Variants in NAT16 observed in about 807,000 individuals in gnomAD.
NAT16 encodes the protein probable N-acetyltransferase 16.
In NAT16, 16 loss-of-function variants were observed where a neutral mutation model predicts 15.9. The observed-to-expected ratio is 1.01, with a 90% CI of 0.68 to 1.53. The LOEUF is 1.53. Ranked by LOEUF, NAT16 falls within the 40% of genes most tolerant of loss-of-function variation. The pLI, the probability that NAT16 is intolerant of heterozygous loss-of-function variation, is 0.00. For missense variants in NAT16, 572 were observed against 508.4 expected (o/e 1.13, Z -1.20); for synonymous variants, 260 against 241.9 (o/e 1.07, Z -0.69).
Position 101,171,320 on chromosome 7 carries a change from A to G in NAT16, c.*759T>C, listed in dbSNP as rs1300840950. On this transcript the variant is annotated 3_prime_UTR_variant, in exon 4 of 4. Coordinates refer to ENST00000300303, the MANE Select transcript of NAT16 (RefSeq NM_198571.3). ...CAGAAAGTGCATCACCAGATGAACA[A>G]GGACCCAAATGGGGGAGCATTCTAA... 1 of 152,320 alleles carries G rather than the reference A, an allele frequency of 6.6e-6. No individual in the cohort carries two copies. The highest frequency in any genetic ancestry group is 1.5e-5 in the Non-Finnish European group (1 of 68,066). The allele number at this position is 152,320 out of a possible 1,614,324, so 9.4% of individuals were successfully genotyped here. A position where few individuals can be genotyped will look rare whatever the true frequency, so the allele number is the denominator to read the frequency against.
intron 2 of NAT16, 113 bp from the exon 3 acceptor site, chr7:101,173,633 G>A (rs560585762): frequency 1.0e-6 from 1 of 997,040 alleles, no homozygotes; most frequent in African/African-American, 1.7e-5. Flanking sequence ...TCACCACCCG[G>A]GCACCAGGCC....
chr7:101,173,575 C>A (rs1004038306), intron 2 of NAT16, 55 bp from the exon 3 acceptor site: 102 of 1,435,352 alleles, frequency 7.1e-5, no homozygotes, highest in Non-Finnish European at 9.4e-5. Context: ...CCTGCCAGGG[C>A]TGTCGGTTCA....
intron 2 of NAT16, 35 bp from the exon 3 acceptor site, chr7:101,173,555 C>A (rs749574509): frequency 1.3e-6 from 2 of 1,509,098 alleles, no homozygotes; most frequent in Non-Finnish European, 1.8e-6. Context: ...GGGCCCTCCC[C>A]GCCTGCGCCC....
intron 1 of NAT16, among the ~76,000 whole-genome samples, chr7:101,177,846 A>G (rs1308768126): frequency 2.0e-5 from 3 of 152,240 alleles, no homozygotes. Context: ...ACAAGCCTCC[A>G]TGCCTGGAAC....
At chr7:101,175,144 G>A (rs1562875086) in intron 1 of NAT16, among the ~76,000 whole-genome samples, 1 of 151,912 alleles carries the variant, frequency 6.6e-6, no homozygotes, top group South Asian at 2.1e-4. Context: ...TAGTAGAGAC[G>A]GAGCTTCACC....
In NAT16 at chr7:101,172,255, GGCTCTGCACCTGCGCGCCGTC is replaced by G; in HGVS notation, c.913_933del (p.Asp305_Ser311del). ...TGGCGCTGCAGGTGCCACAGCAGCT[GGCTCTGCACCTGCGCGCCGTC>G]GCTACCGAAGGCGTCGATGTTGAGA... On this transcript the variant is annotated inframe_deletion, in exon 4 of 4. Coordinates refer to ENST00000300303, the MANE Select transcript of NAT16 (RefSeq NM_198571.3). This position sits in a 1 kb window ranked among gnomAD's most constrained non-coding sequence, Gnocchi z 4.2. The G allele has an allele frequency of 1.2e-6, 2 of 1,613,146 alleles. No individual in the cohort carries two copies. Among genetic ancestry groups the G allele is most frequent in the Non-Finnish European group, 1.7e-6 (2 of 1,179,776 alleles).
chr7:101,177,885 C>G (rs546639831), intron 1 of NAT16, among the ~76,000 whole-genome samples: 1 of 152,186 alleles, frequency 6.6e-6, no homozygotes, highest in Non-Finnish European at 1.5e-5. Flanking sequence ...TCTTGCACCA[C>G]GCTCTGAGGA....
intron 1 of NAT16, among the ~76,000 whole-genome samples, chr7:101,178,904 A>AAAAAAAAAAAAAAAAAAG (rs1359760336): frequency 6.7e-6 from 1 of 150,194 alleles, no homozygotes; most frequent in Admixed American, 6.7e-5. Context: ...AAAAAAAAAA[A>AAAAAAAAAAAAAAAAAAG]AAAAAAGAGG....
chr7:101,176,523 A>G (rs1797471640), intron 1 of NAT16, among the ~76,000 whole-genome samples: 1 of 149,450 alleles, frequency 6.7e-6, no homozygotes, highest in African/African-American at 2.5e-5. Flanking sequence ...AAAAAAGAAG[A>G]AGAAAATGTC....
rs528431583 is a variant in NAT16, at chr7:101,173,162, G to A, written c.537+134C>T. Reference sequence around the variant, plus strand: ...GTCTGGTAAGGACTGGGAGTCCCAGGGCAAGGCTCATGGGCCGCGCCACTC... The same window carrying A: ...GTCTGGTAAGGACTGGGAGTCCCAGAGCAAGGCTCATGGGCCGCGCCACTC... On this transcript the variant is annotated intron_variant, in intron 3 of 3. Transcript: ENST00000300303. 6.2e-5 allele frequency: 50 copies of A among 805,196 alleles called. No individual in the cohort carries two copies. In the African/African-American group the frequency reaches 6.8e-4, roughly 11 times the overall value. The allele number at this position is 805,196 out of a possible 1,614,324, so 49.9% of individuals were successfully genotyped here.
intron 1 of NAT16, among the ~76,000 whole-genome samples, chr7:101,177,903 T>C (rs1280111928): frequency 2.6e-5 from 4 of 152,110 alleles, no homozygotes; most frequent in African/African-American, 9.7e-5. Flanking sequence ...GGACAATGGG[T>C]CCCAGAGAAC....
intron 1 of NAT16, 22 bp from the exon 2 acceptor site, chr7:101,174,833 A>C (rs1201805472): frequency 1.3e-6 from 2 of 1,524,066 alleles, no homozygotes; most frequent in Non-Finnish European, 1.8e-6. Flanking sequence ...AAGAGAATTC[A>C]GCACCTGGAT....
chr7:101,179,732 T>TG (rs922610202), intron 1 of NAT16, among the ~76,000 whole-genome samples: 8 of 142,246 alleles, frequency 5.6e-5, no homozygotes, highest in African/African-American at 2.1e-4. Context: ...TACCCCGGAT[T>TG]GGGGGCTTGG....
At position 101,172,223 on chromosome 7, in the gene NAT16, C is replaced by T. The variant is rs779312211; in HGVS notation, c.966G>A (p.Pro322=). 4.3e-6 allele frequency: 7 copies of T among 1,613,548 alleles called. No homozygotes were observed. In the Admixed American group the frequency reaches 5.0e-5, roughly 12 times the overall value. ...ACATGACGTTGAGGCCAACGAGGCGCGGGGCCTGGCGCTGCAGGTGCCACA... is the reference window on the plus strand; with the variant it reads ...ACATGACGTTGAGGCCAACGAGGCGTGGGGCCTGGCGCTGCAGGTGCCACA... ...QLLWHLQRQA[P]RLVGLNVMCQ... is the part of the protein sequence containing the mutation. The change falls in exon 4 of 4, where the codon CCG becomes CCA. Residue 322 remains proline (P), a synonymous_variant. Coordinates refer to ENST00000300303, the MANE Select transcript of NAT16 (RefSeq NM_198571.3). This position sits in a 1 kb window ranked among gnomAD's most constrained non-coding sequence, Gnocchi z 4.2.
chr7:101,173,687 G>A (rs949830591), intron 2 of NAT16, 167 bp from the exon 3 acceptor site: 7 of 569,620 alleles, frequency 1.2e-5, no homozygotes, highest in African/African-American at 1.2e-4. Context: ...TTACAGAGCC[G>A]GCAGAACAGT....
At position 101,172,124 on chromosome 7, in the gene NAT16, C is replaced by A; in HGVS notation, c.1065G>T (p.Leu355=). 6.2e-7 allele frequency: 1 copy of A among 1,614,076 alleles called. No individual in the cohort carries two copies. Residue 355 remains leucine (L), a synonymous_variant, in exon 4 of 4, where the codon CTG becomes CTT. Transcript: ENST00000300303. This position sits in a 1 kb window ranked among gnomAD's most constrained non-coding sequence, Gnocchi z 4.2. The part of the protein sequence containing the change: ...DFCQVGLGLE[L]VKGYTEQYLL... ...GGTACTGTTCAGTATAACCCTTCACCAGCTCCAGTCCCAGCCCGACCTGGC... is the reference window on the plus strand; with the variant it reads ...GGTACTGTTCAGTATAACCCTTCACAAGCTCCAGTCCCAGCCCGACCTGGC...
rs779758270 is a variant in NAT16, at chr7:101,170,585, A to T, written c.*1494T>A. On this transcript the variant is annotated 3_prime_UTR_variant, in exon 4 of 4. Transcript: ENST00000300303. ...GGCCAGGCACAGGATGCACCCAAGG[A>T]GAGCAGCACAGTAGCAAAACCAGAG... The T allele has an allele frequency of 6.6e-6, 1 of 152,442 alleles. No homozygotes were observed. The highest frequency in any genetic ancestry group is 6.5e-5 in the Admixed American group (1 of 15,274). The allele number at this position is 152,442 out of a possible 1,614,324, so 9.4% of individuals were successfully genotyped here. A position where few individuals can be genotyped will look rare whatever the true frequency, so the allele number is the denominator to read the frequency against.
chr7:101,177,391 G>C (rs959357646), intron 1 of NAT16, among the ~76,000 whole-genome samples: 1 of 151,832 alleles, frequency 6.6e-6, no homozygotes, highest in Non-Finnish European at 1.5e-5. Flanking sequence ...CACCCAGGCC[G>C]GAGTGCAATG....
Position 101,173,325 on chromosome 7 carries a change from G to A in NAT16, c.508C>T (p.Leu170=), listed in dbSNP as rs754664474. Residue 170 remains leucine, a synonymous_variant, in exon 3 of 4, where the codon CTG becomes TTG. Coordinates refer to ENST00000300303, the MANE Select transcript of NAT16 (RefSeq NM_198571.3). ...TTGGTGATTAGGCGGTATTTCTTCA[G>A]CTCCCGGGGGCCCAGCTGGTCGTCC... ...TRDDQLGPRE[L]KKYRLITKQG... is the part of the protein sequence containing the mutation. 3.7e-6 allele frequency: 6 copies of A among 1,613,996 alleles called. No individual in the cohort carries two copies. The highest frequency in any genetic ancestry group is 3.3e-4 in the Middle Eastern group (2 of 6,000).
Sources: allele counts gnomAD v4.1 joint callset (sites outside exome capture counted in the v4.1 genomes callset), GRCh38; gene constraint gnomAD v4.1.1; non-coding constraint Gnocchi (gnomAD v3.1); transcripts MANE v1.5; gene names NCBI Gene and HGNC (gene_info 2026-07-23, HGNC 2026-07-21).